The following SEC14L1 variants were observed in gnomAD, a reference collection of about 807,000 sequenced individuals.
SEC14L1 encodes SEC14 like lipid binding 1.
In SEC14L1, 48 loss-of-function variants were observed where a neutral mutation model predicts 85.3. The ratio of observed to expected loss-of-function variants is 0.56; its 90% confidence interval spans 0.45 to 0.72. The LOEUF is 0.72. SEC14L1 is among the 30% of genes least tolerant of loss of function. SEC14L1 has a pLI of 0.00. For missense variants in SEC14L1, 682 were observed against 921.4 expected (o/e 0.74, Z 3.36); for synonymous variants, 391 against 355.5 (o/e 1.10, Z -1.12).
At chr17:77,153,315 C>T (rs1973653443) in intron 3 of SEC14L1, among the ~76,000 whole-genome samples, 1 of 152,200 alleles carries the variant, frequency 6.6e-6, no homozygotes, top group Non-Finnish European at 1.5e-5. Flanking sequence ...GATCCACCCT[C>T]CTTGGCCTCC....
At chr17:77,179,980 G>T (rs941553836) in intron 3 of SEC14L1, among the ~76,000 whole-genome samples, 1 of 150,320 alleles carries the variant, frequency 6.7e-6, no homozygotes, top group African/African-American at 2.5e-5. Context: ...CCTGGCCTAC[G>T]TATTTGTTTT....
chr17:77,175,770 G>T (rs1445698327), intron 3 of SEC14L1, among the ~76,000 whole-genome samples: 1 of 152,066 alleles, frequency 6.6e-6, no homozygotes, highest in Non-Finnish European at 1.5e-5. Flanking sequence ...ACTTTTCCTG[G>T]GTCTCGGCTG....
intron 3 of SEC14L1, among the ~76,000 whole-genome samples, chr17:77,131,345 C>T (rs922472156): frequency 2.0e-5 from 3 of 152,180 alleles, no homozygotes; most frequent in Non-Finnish European, 4.4e-5. Context: ...TCTTGGCTCA[C>T]TGCAACCTCT....
chr17:77,154,954 T>C (rs1166734992), intron 3 of SEC14L1, among the ~76,000 whole-genome samples: 5 of 152,318 alleles, frequency 3.3e-5, no homozygotes, highest in Admixed American at 1.3e-4. Flanking sequence ...GCGGATGGAT[T>C]GTTTGTTCCT....
At chr17:77,207,076 C>T (rs1461998830) in intron 13 of SEC14L1, among the ~76,000 whole-genome samples, 6 of 152,174 alleles carry the variant, frequency 3.9e-5, no homozygotes, top group South Asian at 4.1e-4. Flanking sequence ...TTGTTAAATA[C>T]GAATGAGAAT....
At chr17:77,179,667 A>G (rs958671422) in intron 3 of SEC14L1, among the ~76,000 whole-genome samples, 5 of 151,918 alleles carry the variant, frequency 3.3e-5, no homozygotes, top group African/African-American at 9.7e-5. Flanking sequence ...GATTATGTCA[A>G]ATTTTTACTT....
intron 2 of SEC14L1, among the ~76,000 whole-genome samples, chr17:77,093,083 G>A (rs1346062443): frequency 6.6e-6 from 1 of 152,144 alleles, no homozygotes; most frequent in African/African-American, 2.4e-5. Context: ...GTGGCTGGGG[G>A]CCCATTCCCC....
intron 3 of SEC14L1, among the ~76,000 whole-genome samples, chr17:77,125,485 A>G (rs1395723257): frequency 1.3e-5 from 2 of 150,638 alleles, no homozygotes; most frequent in African/African-American, 4.9e-5. Context: ...CTCAGGAGCT[A>G]TGCTATAAAT....
At chr17:77,153,074 T>G (rs2143580695) in intron 3 of SEC14L1, among the ~76,000 whole-genome samples, 2 of 152,300 alleles carry the variant, frequency 1.3e-5, no homozygotes, top group Middle Eastern at 6.8e-3. Flanking sequence ...TTATTTATTA[T>G]TATTATTTTT....
At chr17:77,110,116 G>A (rs536241366) in intron 3 of SEC14L1, among the ~76,000 whole-genome samples, 1 of 152,288 alleles carries the variant, frequency 6.6e-6, no homozygotes, top group East Asian at 1.9e-4. Context: ...TTTCATTGAG[G>A]AACATTCTTT....
intron 3 of SEC14L1, among the ~76,000 whole-genome samples, chr17:77,101,301 C>T (rs1399548109): frequency 1.3e-5 from 2 of 152,102 alleles, no homozygotes; most frequent in Non-Finnish European, 2.9e-5. Context: ...TATCCTGTGC[C>T]TCCTGAGAAG....
chr17:77,127,360 C>A (rs1344044876), intron 3 of SEC14L1, among the ~76,000 whole-genome samples: 1 of 145,492 alleles, frequency 6.9e-6, no homozygotes, highest in African/African-American at 2.7e-5. Context: ...CTTTTCTTTT[C>A]TTTTTTTGAG....
intron 3 of SEC14L1, among the ~76,000 whole-genome samples, chr17:77,123,033 TG>T (rs779859538): frequency 6.6e-6 from 1 of 151,888 alleles, no homozygotes; most frequent in South Asian, 2.1e-4. Context: ...TCTCCTTTTT[TG>T]TTGTTTTGTT....
At chr17:77,112,905 C>A (rs983505497) in intron 3 of SEC14L1, among the ~76,000 whole-genome samples, 1 of 151,802 alleles carries the variant, frequency 6.6e-6, no homozygotes, top group Non-Finnish European at 1.5e-5. Context: ...ATGGGTCATG[C>A]CTGTACTTCT....
At chr17:77,102,429 A>C (rs1971799292) in intron 3 of SEC14L1, among the ~76,000 whole-genome samples, 1 of 152,214 alleles carries the variant, frequency 6.6e-6, no homozygotes, top group Admixed American at 6.5e-5. Context: ...ACACTTTTGA[A>C]AAGGACAGAG....
intron 14 of SEC14L1, 135 bp downstream of exon 14, chr17:77,209,611 ACACT>A (rs1976644930): frequency 2.3e-6 from 2 of 875,798 alleles, no homozygotes; most frequent in Non-Finnish European, 3.3e-6. Flanking sequence ...GCTTTTGTTG[ACACT>A]CGATATTTAG....
chr17:77,206,541 ATTGT>A lies in SEC14L1; in HGVS notation c.1341+144_1341+147del. The A allele has an allele frequency of 7.8e-7, 1 of 1,289,794 alleles. No homozygotes were observed. Among genetic ancestry groups the A allele is most frequent in the Non-Finnish European group, 1.1e-6 (1 of 947,218 alleles). 79.9% of individuals were successfully genotyped at this position (1,289,794 alleles called of 1,614,324 possible). On this transcript the variant is annotated intron_variant, in intron 12 of 16. Transcript: ENST00000436233. The surrounding 1 kb of genome is among the most constrained non-coding windows in gnomAD (Gnocchi z 4.3). ...CATGCAAAGATATAAAATTTCTCAAATTGTTTAAGAAAGGGGAAAAACAAAATGT... is the reference window on the plus strand; with the variant it reads ...CATGCAAAGATATAAAATTTCTCAAATTAAGAAAGGGGAAAAACAAAATGT...
intron 3 of SEC14L1, among the ~76,000 whole-genome samples, chr17:77,100,423 TCTCTC>T (rs1175257718): frequency 4.9e-5 from 2 of 40,558 alleles, no homozygotes; most frequent in African/African-American, 1.9e-4. Flanking sequence ...TTTCTCTCTC[TCTCTC>T]TTTTTTTTTT....
At position 77,190,946 on chromosome 17, in the gene SEC14L1, G is replaced by C. The variant is rs1975498192; in HGVS notation, c.207G>C (p.Leu69=). 1 of 1,614,142 alleles carries C rather than the reference G, an allele frequency of 6.2e-7. No individual in the cohort carries two copies. The highest frequency in any genetic ancestry group is 8.5e-7 in the Non-Finnish European group (1 of 1,180,028). ...TGGATGTAGATGCACCCAGACTGCT[G>C]AAGAAGGTAAAGGTCGGAAAGGACG... ...CKLDVDAPRL[L]KKIAGVDYVY... is the part of the protein sequence containing the mutation. The change falls in exon 4 of 17, where the codon CTG becomes CTC. Residue 69 remains leucine (L), a synonymous_variant. Coordinates refer to ENST00000436233, the MANE Select transcript of SEC14L1 (RefSeq NM_001143998.2).
Sources: allele counts gnomAD v4.1 joint callset (sites outside exome capture counted in the v4.1 genomes callset), GRCh38; gene constraint gnomAD v4.1.1; non-coding constraint Gnocchi (gnomAD v3.1); transcripts MANE v1.5; gene names NCBI Gene and HGNC (gene_info 2026-07-23, HGNC 2026-07-21).